Variants in YTHDC2 observed in about 807,000 individuals in gnomAD.
YTHDC2 encodes the protein YTH N6-methyladenosine RNA binding protein C2, also known as 3'-5' RNA helicase YTHDC2.
In YTHDC2, 45 loss-of-function variants were observed where a neutral mutation model predicts 174.9. That is an observed-to-expected ratio of 0.26 (90% confidence interval 0.20 to 0.33). The LOEUF is 0.33. Among genes scored for constraint, YTHDC2 ranks in the 10% least tolerant of loss-of-function variants. YTHDC2 has a pLI of 1.00. For missense variants in YTHDC2, 1,650 were observed against 1,723.7 expected, an observed-to-expected ratio of 0.96 and a Z score of 0.76; for synonymous variants, 657 against 574.5, an observed-to-expected ratio of 1.14 and a Z score of -2.05.
At chr5:113,575,936 T>C (rs147201103) in intron 23 of YTHDC2, among the ~76,000 whole-genome samples, 18 of 150,586 alleles carry the variant, frequency 1.2e-4, no homozygotes, top group African/African-American at 3.6e-4. Context: ...AACTGCTAGA[T>C]TGAATGTGGG....
chr5:113,541,102 G>T lies in YTHDC2; in HGVS notation c.1345G>T (p.Val449Phe). 6.2e-7 allele frequency: 1 copy of T among 1,613,988 alleles called. No homozygotes were observed. The highest frequency in any genetic ancestry group is 8.5e-7 in the Non-Finnish European group (1 of 1,179,974). The change falls in exon 9 of 30, where the codon GTC (valine) becomes TTC (phenylalanine). Residue 449 changes from valine (V) to phenylalanine (F), a missense_variant. Val to Phe is a conservative substitution (Grantham distance 50). This residue lies in a region of YTHDC2 where 411 missense variants were observed against 380.6 expected (regional missense o/e 1.08). Transcript: ENST00000161863. Reference protein sequence around the residue: ...YDLLDDGGDAVFSQLTEKDVN... With the variant: ...YDLLDDGGDAFFSQLTEKDVN... ...CTTACTGGATGATGGTGGTGATGCT[G>T]TCTTCAGTCAGCTGGTATGACCTCC...
intron 28 of YTHDC2, chr5:113,592,416 A>T (rs544673614): frequency 9.7e-5 from 34 of 351,684 alleles, no homozygotes; most frequent in Non-Finnish European, 1.6e-4. Flanking sequence ...GGCTTTAATT[A>T]TGTAAAGTAA....
Position 113,530,255 on chromosome 5 carries a change from C to T in YTHDC2, c.676-2624C>T, listed in dbSNP as rs918001584. On this transcript the variant is annotated intron_variant, in intron 4 of 29. Transcript: ENST00000161863. ...TTTATTTAAAAATCTGTCCTTCCCC[C>T]GACCTCCCCTACCCAATTTAAGAGG... 3.3e-5 allele frequency among the ~76,000 whole-genome samples: 5 copies of T among 152,016 alleles called. No individual in the cohort carries two copies. In the East Asian group the frequency reaches 5.8e-4, roughly 18 times the overall value.
intron 1 of YTHDC2, 50 bp downstream of exon 1, chr5:113,514,132 C>T (rs574571774): frequency 1.3e-6 from 2 of 1,563,274 alleles, no homozygotes; most frequent in Admixed American, 1.9e-5. Context: ...CCCCCCTCAC[C>T]CCAGCGCCCC....
At chr5:113,557,516 G>A (rs891300857) in intron 17 of YTHDC2, among the ~76,000 whole-genome samples, 1 of 152,170 alleles carries the variant, frequency 6.6e-6, no homozygotes, top group African/African-American at 2.4e-5. Context: ...GGGTAAGGCT[G>A]GGTGTAGTGG....
chr5:113,581,270 C>A (rs1186620920), intron 24 of YTHDC2, 147 bp from the exon 25 acceptor site: 2 of 628,946 alleles, frequency 3.2e-6, no homozygotes, highest in East Asian at 3.3e-5. Context: ...TTCATTCATG[C>A]ATTAAAAATA....
chr5:113,552,474 G>T (rs1776311115), intron 12 of YTHDC2, among the ~76,000 whole-genome samples: 1 of 151,982 alleles, frequency 6.6e-6, no homozygotes, highest in African/African-American at 2.4e-5. Flanking sequence ...GCTTTTTTCA[G>T]TTAGCATAAA....
intron 2 of YTHDC2, among the ~76,000 whole-genome samples, chr5:113,518,202 T>TG (rs896944971): frequency 6.6e-6 from 1 of 150,640 alleles, no homozygotes; most frequent in African/African-American, 2.5e-5. Flanking sequence ...TTTGTTTTTT[T>TG]TTTTTTTTGG....
chr5:113,581,642 A>G lies in YTHDC2; in HGVS notation c.3580A>G (p.Arg1194Gly). The change falls in exon 25 of 30, where the codon AGG becomes GGG. Residue 1194 changes from arginine (R) to glycine (G), a missense_variant. By Grantham distance (125) the Arg-to-Gly change is moderately radical. Transcript: ENST00000161863. Reference protein sequence around the residue: ...SEELPLASSWRSNNSRKSSAD... With the variant: ...SEELPLASSWGSNNSRKSSAD... ...AGAGCTTCCTTTGGCCTCATCTTGG[A>G]GGTCAAATAATAGTAGGAAAAGTTC... is the stretch of plus-strand genomic sequence containing the variant. The G allele has an allele frequency of 6.2e-7, 1 of 1,613,126 alleles. No homozygotes were observed. The highest frequency in any genetic ancestry group is 1.1e-5 in the South Asian group (1 of 90,838).
At chr5:113,567,427 T>TATATATATATATATATATATATATAA (rs138503872) in intron 22 of YTHDC2, 130 bp downstream of exon 22, 102 of 375,070 alleles carry the variant, frequency 2.7e-4, no homozygotes, top group African/African-American at 2.3e-3. Context: ...TATATATATA[T>TATATATATATATATATATATATATAA]CATTAAATAT....
At chr5:113,554,820 A>T (rs184131979) in intron 16 of YTHDC2, among the ~76,000 whole-genome samples, 47 of 152,108 alleles carry the variant, frequency 3.1e-4, no homozygotes, top group African/African-American at 1.0e-3. Flanking sequence ...TTTGGTAGAT[A>T]ACATTCGCTG....
intron 12 of YTHDC2, 87 bp downstream of exon 12, chr5:113,549,107 C>A (rs1026210836): frequency 1.1e-5 from 13 of 1,130,588 alleles, no homozygotes; most frequent in African/African-American, 9.8e-5. Context: ...CAAATGTAGA[C>A]CATTTATAGT....
At chr5:113,536,738 A>T (rs1775105476) in intron 7 of YTHDC2, among the ~76,000 whole-genome samples, 1 of 152,022 alleles carries the variant, frequency 6.6e-6, no homozygotes, top group South Asian at 2.1e-4. Flanking sequence ...CATTTACAAA[A>T]ATTGGCTTTA....
intron 2 of YTHDC2, among the ~76,000 whole-genome samples, chr5:113,518,190 T>G (rs1773608280): frequency 1.5e-5 from 2 of 133,298 alleles, no homozygotes; most frequent in South Asian, 4.4e-4. Flanking sequence ...ACCTGGCGTT[T>G]TTTTGTTTTT....
chr5:113,545,727 CA>C (rs138640211), intron 10 of YTHDC2, among the ~76,000 whole-genome samples: 6 of 80,350 alleles, frequency 7.5e-5, no homozygotes, highest in African/African-American at 2.1e-4. Context: ...AATTGATCTC[CA>C]TTTTTTTTTT....
Position 113,514,024 on chromosome 5 carries a change from G to C in YTHDC2, c.129G>C (p.Glu43Asp). The stretch of plus-strand genomic sequence containing the variant: ...GGCTGAAGGACATTCGCATTGATGA[G>C]GAGGTGAAGATCGCAGTCAATATCG... ...AKGLKDIRID[E>D]EVKIAVNIAL... The change falls in exon 1 of 30, where the codon GAG becomes GAC. Residue 43 changes from glutamate (E) to aspartate (D), a missense_variant. Physicochemically the swap from Glu to Asp is conservative, Grantham distance 45. Around this residue, in one of 5 missense-constraint regions of YTHDC2, gnomAD observed 304 missense variants for 341.4 expected, o/e 0.89. Coordinates refer to ENST00000161863, the MANE Select transcript of YTHDC2 (RefSeq NM_022828.5). The C allele has an allele frequency of 1.2e-6, 2 of 1,611,558 alleles. No individual in the cohort carries two copies. The highest frequency in any genetic ancestry group is 1.7e-6 in the Non-Finnish European group (2 of 1,179,052).
intron 4 of YTHDC2, 114 bp from the exon 5 acceptor site, chr5:113,532,765 T>G: frequency 1.1e-6 from 1 of 873,990 alleles, no homozygotes; most frequent in Non-Finnish European, 1.7e-6. Flanking sequence ...GATTTTATGA[T>G]TATATTTGGA....
At chr5:113,543,006 C>G (rs1052112351) in intron 10 of YTHDC2, among the ~76,000 whole-genome samples, 3 of 151,986 alleles carry the variant, frequency 2.0e-5, no homozygotes, top group African/African-American at 4.8e-5. Context: ...AGATCTTTTT[C>G]TTTTTTTCTG....
At chr5:113,547,023 C>G (rs1214728266) in intron 10 of YTHDC2, among the ~76,000 whole-genome samples, 1 of 152,154 alleles carries the variant, frequency 6.6e-6, no homozygotes, top group Admixed American at 6.6e-5. Context: ...ACCTAGTTTC[C>G]AGACTTGCAC....
Sources: allele counts gnomAD v4.1 joint callset (sites outside exome capture counted in the v4.1 genomes callset), GRCh38; gene constraint gnomAD v4.1.1; regional missense constraint gnomAD v4.1.1; transcripts MANE v1.5; gene names NCBI Gene and HGNC (gene_info 2026-07-23, HGNC 2026-07-21).